CTNND2: variants seen among roughly 807,000 people sequenced by gnomAD.
The protein encoded by CTNND2 is catenin delta-2.
A neutral mutation model predicts 144.4 loss-of-function variants in CTNND2; 22 were observed. That is an observed-to-expected ratio of 0.15 (90% CI 0.11 to 0.22). The LOEUF (loss-of-function observed/expected upper bound fraction) is 0.22. CTNND2 is among the 10% of genes least tolerant of loss of function. The pLI, the probability that CTNND2 is intolerant of heterozygous loss-of-function variation, is 1.00. For synonymous variants in CTNND2, 751 were observed against 695.6 expected, an observed-to-expected ratio of 1.08 and a Z score of -1.25; for missense variants, 1,353 against 1,618.8, an observed-to-expected ratio of 0.84 and a Z score of 2.82.
At chr5:11,361,217 C>T (rs902344147) in intron 8 of CTNND2, among the ~76,000 whole-genome samples, 6 of 152,138 alleles carry the variant, frequency 3.9e-5, no homozygotes, top group South Asian at 2.1e-4. Flanking sequence ...GACGGGGTTT[C>T]GCCATGTTGG....
In CTNND2 at chr5:11,183,573, T is replaced by TC. The variant is rs1233317013; in HGVS notation, c.1975+15874_1975+15875insG. Among the ~76,000 whole-genome samples the TC allele has an allele frequency of 2.6e-5, 4 of 152,032 alleles. No homozygotes were observed. The South Asian group carries it at 6.2e-4, about 24-fold the overall frequency. Reference sequence around the variant, plus strand: ...TCTTTTTTTTTTGGTTTTTTTTTTTTTGAGACCAAGTTTTGCTCCTGTTGC... The same window carrying TC: ...TCTTTTTTTTTTGGTTTTTTTTTTTTCTGAGACCAAGTTTTGCTCCTGTTGC... On this transcript the variant is annotated intron_variant, in intron 11 of 21. Coordinates refer to ENST00000304623, the MANE Select transcript of CTNND2 (RefSeq NM_001332.4).
chr5:11,269,450 A>G (rs940105181), intron 9 of CTNND2, among the ~76,000 whole-genome samples: 4 of 152,184 alleles, frequency 2.6e-5, no homozygotes, highest in Non-Finnish European at 5.9e-5. Context: ...GTCTTTAAAA[A>G]CAGCACACTG....
At chr5:11,252,962 A>C (rs1743824844) in intron 9 of CTNND2, among the ~76,000 whole-genome samples, 1 of 152,138 alleles carries the variant, frequency 6.6e-6, no homozygotes, top group Non-Finnish European at 1.5e-5. Context: ...AGTATCTCAC[A>C]CAGAGATATT....
At chr5:11,239,040 C>T (rs866849467) in intron 9 of CTNND2, among the ~76,000 whole-genome samples, 4 of 152,218 alleles carry the variant, frequency 2.6e-5, no homozygotes, top group South Asian at 2.1e-4. Flanking sequence ...TCGAAATCTA[C>T]TAAATACCTG....
chr5:11,806,261 T>C (rs1015462767), intron 1 of CTNND2, among the ~76,000 whole-genome samples: 2 of 152,164 alleles, frequency 1.3e-5, no homozygotes, highest in Non-Finnish European at 2.9e-5. Flanking sequence ...CAACTGGGAA[T>C]GGGATATATG....
At chr5:11,558,341 C>CACTT (rs1554083650) in intron 3 of CTNND2, among the ~76,000 whole-genome samples, 1 of 132,120 alleles carries the variant, frequency 7.6e-6, no homozygotes, top group South Asian at 2.7e-4. Context: ...GTGAGAAACA[C>CACTT]GTGTGTGTGT....
intron 3 of CTNND2, among the ~76,000 whole-genome samples, chr5:11,543,556 C>G (rs17219543): frequency 0.39 from 58,838 of 151,894 alleles, 12,643 homozygotes; most frequent in Middle Eastern, 0.58. Flanking sequence ...TAAGTACATA[C>G]TGGAGCTACT....
intron 9 of CTNND2, among the ~76,000 whole-genome samples, chr5:11,327,567 G>A (rs140829759): frequency 4.6e-5 from 7 of 152,186 alleles, no homozygotes; most frequent in Admixed American, 6.5e-5. Context: ...TCAAATAAAC[G>A]AAAACTCTAA....
At chr5:11,850,004 C>T (rs572769748) in intron 1 of CTNND2, among the ~76,000 whole-genome samples, 40 of 152,242 alleles carry the variant, frequency 2.6e-4, no homozygotes, top group African/African-American at 9.1e-4. Flanking sequence ...GTGCAGCAAA[C>T]GACCATTGCA....
chr5:11,082,747 C>A lies in CTNND2; in HGVS notation c.2737G>T (p.Ala913Ser). The change falls in exon 16 of 22, where the codon GCC (alanine) becomes TCC (serine). Residue 913 changes from alanine to serine, a missense_variant. Ala to Ser is a moderately conservative substitution (Grantham distance 99). Transcript: ENST00000304623. Reference protein sequence around the residue: ...IDNDRVVCAVATALRNMALDV... With the variant: ...IDNDRVVCAVSTALRNMALDV... Reference sequence around the variant, plus strand: ...AAGGCCATGTTCCGCAGCGCAGTGGCCACCGCGCACACCACACGGTCATTG... The same window carrying A: ...AAGGCCATGTTCCGCAGCGCAGTGGACACCGCGCACACCACACGGTCATTG... 6.2e-7 allele frequency: 1 copy of A among 1,614,180 alleles called. No individual in the cohort carries two copies. The highest frequency in any genetic ancestry group is 8.5e-7 in the Non-Finnish European group (1 of 1,180,034).
At chr5:11,152,283 A>G (rs1291280354) in intron 12 of CTNND2, among the ~76,000 whole-genome samples, 1 of 152,188 alleles carries the variant, frequency 6.6e-6, no homozygotes, top group Non-Finnish European at 1.5e-5. Context: ...GGATTCTTCT[A>G]TTTGCCACTA....
intron 1 of CTNND2, among the ~76,000 whole-genome samples, chr5:11,745,811 G>C (rs1403061654): frequency 1.3e-5 from 2 of 152,102 alleles, no homozygotes; most frequent in Non-Finnish European, 2.9e-5. Context: ...TATTTGAGTG[G>C]ATCTCAGCAT....
intron 15 of CTNND2, among the ~76,000 whole-genome samples, chr5:11,091,444 T>C (rs1750766383): frequency 6.6e-6 from 1 of 152,242 alleles, no homozygotes; most frequent in Non-Finnish European, 1.5e-5. Flanking sequence ...TGTCAGTTCT[T>C]AGTTTTCATT....
intron 1 of CTNND2, among the ~76,000 whole-genome samples, chr5:11,750,869 T>C (rs1375836641): frequency 6.6e-6 from 1 of 151,888 alleles, no homozygotes; most frequent in Non-Finnish European, 1.5e-5. Context: ...CAAGATGTAA[T>C]CAATAATAAT....
intron 3 of CTNND2, among the ~76,000 whole-genome samples, chr5:11,472,106 C>G (rs1427933571): frequency 6.6e-6 from 1 of 152,042 alleles, no homozygotes; most frequent in Non-Finnish European, 1.5e-5. Flanking sequence ...ATCGTGTGAG[C>G]CTTTCATTTT....
chr5:11,393,777 A>G (rs1759833271), intron 6 of CTNND2, among the ~76,000 whole-genome samples: 1 of 152,180 alleles, frequency 6.6e-6, no homozygotes, highest in Non-Finnish European at 1.5e-5. Context: ...ACAGACTTAA[A>G]TGCAACTAAC....
chr5:11,218,465 G>C (rs899115736), intron 10 of CTNND2, among the ~76,000 whole-genome samples: 14 of 152,254 alleles, frequency 9.2e-5, no homozygotes, highest in African/African-American at 3.4e-4. Context: ...TGGGCCATGG[G>C]TAAGGGAATG....
intron 3 of CTNND2, among the ~76,000 whole-genome samples, chr5:11,493,860 T>G (rs1233404801): frequency 3.3e-5 from 5 of 152,202 alleles, no homozygotes; most frequent in Admixed American, 3.3e-4. Flanking sequence ...TCTATAAATA[T>G]TTTCAACATA....
At position 11,879,335 on chromosome 5, in the gene CTNND2, ATG is replaced by A. The variant is rs141467104; in HGVS notation, c.37+24480_37+24481del. On this transcript the variant is annotated intron_variant, in intron 1 of 21. Transcript: ENST00000304623. Reference sequence around the variant, plus strand: ...AATTTCAAGTGTATTAAAAAATTAAATGTGTGTATATATATATATATACATAT... The same window carrying A: ...AATTTCAAGTGTATTAAAAAATTAAATGTGTATATATATATATATACATAT... Among the ~76,000 whole-genome samples the A allele has an allele frequency of 6.6e-3, 369 of 56,208 alleles. 25 individuals are homozygous for A. The East Asian group carries it at 0.2, about 30-fold the overall frequency. The allele number at this position is 56,208 out of a possible 152,430, so 36.9% of individuals were successfully genotyped here.
Sources: allele counts gnomAD v4.1 joint callset (sites outside exome capture counted in the v4.1 genomes callset), GRCh38; gene constraint gnomAD v4.1.1; transcripts MANE v1.5; gene names NCBI Gene and HGNC (gene_info 2026-07-23, HGNC 2026-07-21).